The following FAM135B variants were observed in gnomAD, a reference collection of about 807,000 sequenced individuals.
The protein encoded by FAM135B is protein FAM135B.
A neutral mutation model predicts 127.7 loss-of-function variants in FAM135B; 43 were observed. That is an observed-to-expected ratio of 0.34 (90% CI 0.26 to 0.43). The LOEUF is 0.43. Among genes scored for constraint, FAM135B ranks in the 20% least tolerant of loss-of-function variants. The pLI is 1.00. For missense variants in FAM135B, 1,558 were observed against 1,725.6 expected (o/e 0.90, Z 1.72); for synonymous variants, 670 against 665.1 (o/e 1.01, Z -0.11).
intron 1 of FAM135B, among the ~76,000 whole-genome samples, chr8:138,386,176 A>C (rs1832201405): frequency 6.6e-6 from 1 of 151,838 alleles, no homozygotes; most frequent in South Asian, 2.1e-4. Context: ...AGATCACACC[A>C]TTGCACTTCA....
At chr8:138,255,506 G>A (rs1246464116) in intron 5 of FAM135B, among the ~76,000 whole-genome samples, 1 of 152,226 alleles carries the variant, frequency 6.6e-6, no homozygotes, top group Non-Finnish European at 1.5e-5. Context: ...GCCATCAGGA[G>A]AGAAGCTGAG....
rs2131141472 is a variant in FAM135B, at chr8:138,197,669, C to G, written c.670G>C (p.Gly224Arg). 1 of 1,613,172 alleles carries G rather than the reference C, an allele frequency of 6.2e-7. No individual in the cohort carries two copies. The highest frequency in any genetic ancestry group is 1.1e-5 in the South Asian group (1 of 91,044). The change falls in exon 8 of 20, where the codon GGA becomes CGA. Residue 224 changes from glycine (G) to arginine (R), a missense_variant and splice_region_variant. Physicochemically the swap from Gly to Arg is moderately radical, Grantham distance 125. Transcript: ENST00000395297. Reference sequence around the variant, plus strand: ...TTCTCAGAGGTGATGTAGAAGCTTCCCTAAGGGGTGAAACAGAAACAGAGG... The same window carrying G: ...TTCTCAGAGGTGATGTAGAAGCTTCGCTAAGGGGTGAAACAGAAACAGAGG... ...AGYCKPTSSE[G>R]SFYITSENCM...
chr8:138,196,900 C>A (rs140273860), intron 8 of FAM135B, among the ~76,000 whole-genome samples: 1 of 152,336 alleles, frequency 6.6e-6, no homozygotes, highest in African/African-American at 2.4e-5. Context: ...GCTTTTACCT[C>A]TCTGAGCTTC....
rs1409535489 is a variant in FAM135B, at chr8:138,238,321, C to G, written c.669+4621G>C. 2.0e-5 allele frequency among the ~76,000 whole-genome samples: 3 copies of G among 152,146 alleles called. No homozygotes were observed. In the East Asian group the frequency reaches 5.8e-4, roughly 29 times the overall value. On this transcript the variant is annotated intron_variant, in intron 7 of 19. Transcript: ENST00000395297. ...TATTTCATTTAATCCTCTCAGCAAC[C>G]CTGTGAGCCAGGCATTAGTATATCC...
intron 9 of FAM135B, among the ~76,000 whole-genome samples, chr8:138,193,092 G>T (rs151148978): frequency 6.6e-6 from 1 of 152,146 alleles, no homozygotes; most frequent in Non-Finnish European, 1.5e-5. Context: ...ACCACGTGAC[G>T]TATAAGGAGA....
chr8:138,487,313 T>C (rs1044688946), intron 1 of FAM135B, among the ~76,000 whole-genome samples: 1 of 151,642 alleles, frequency 6.6e-6, no homozygotes, highest in African/African-American at 2.4e-5. Context: ...ACGGAGGACT[T>C]AGGAGATCCA....
chr8:138,180,287 A>T (rs1814886557), intron 9 of FAM135B, among the ~76,000 whole-genome samples: 1 of 152,170 alleles, frequency 6.6e-6, no homozygotes, highest in Non-Finnish European at 1.5e-5. Context: ...AGAGATGAAC[A>T]AGAGAGGGTC....
At chr8:138,160,957 C>T (rs1158085206) in intron 12 of FAM135B, among the ~76,000 whole-genome samples, 3 of 152,166 alleles carry the variant, frequency 2.0e-5, no homozygotes, top group African/African-American at 7.2e-5. Flanking sequence ...TCAATTCTGA[C>T]ATTGCCATTT....
intron 1 of FAM135B, among the ~76,000 whole-genome samples, chr8:138,382,019 A>G (rs1283196643): frequency 1.3e-5 from 2 of 152,024 alleles, no homozygotes; most frequent in Non-Finnish European, 1.5e-5. Context: ...CAGACATGCT[A>G]TCTGTTTGTG....
chr8:138,148,391 T>A, intron 14 of FAM135B, 129 bp downstream of exon 14: 1 of 765,266 alleles, frequency 1.3e-6, no homozygotes, highest in Non-Finnish European at 2.1e-6. Flanking sequence ...AGATTCATCA[T>A]AATTACTGTC....
At chr8:138,162,640 A>G (rs907099480) in intron 12 of FAM135B, among the ~76,000 whole-genome samples, 1 of 152,222 alleles carries the variant, frequency 6.6e-6, no homozygotes, top group African/African-American at 2.4e-5. Flanking sequence ...TTAAAAAATG[A>G]AAAAAGAATG....
In FAM135B at chr8:138,243,208, G is replaced by A. The variant is rs1362957860; in HGVS notation, c.543-140C>T. 1.1e-5 allele frequency: 10 copies of A among 948,176 alleles called. No individual in the cohort carries two copies. Among genetic ancestry groups the A allele is most frequent in the South Asian group, 2.0e-5 (1 of 49,000 alleles). The allele number at this position is 948,176 out of a possible 1,614,324, so 58.7% of individuals were successfully genotyped here. On this transcript the variant is annotated intron_variant, in intron 6 of 19. Transcript: ENST00000395297. The surrounding 1 kb of genome is among the most constrained non-coding windows in gnomAD (Gnocchi z 7.5). ...GTAGTTCACCCCCTAGGGAGTGTTT[G>A]CATGTGACATTTGTGGATATTTTGA...
At chr8:138,385,823 A>G (rs951503286) in intron 1 of FAM135B, among the ~76,000 whole-genome samples, 4 of 152,146 alleles carry the variant, frequency 2.6e-5, no homozygotes, top group African/African-American at 9.7e-5. Context: ...AAAAACAATA[A>G]CAAAATAAAG....
chr8:138,350,760 A>C (rs757255017), intron 2 of FAM135B, among the ~76,000 whole-genome samples: 1 of 152,200 alleles, frequency 6.6e-6, no homozygotes, highest in Non-Finnish European at 1.5e-5. Flanking sequence ...TTCCTTATTC[A>C]TACATTAAGG....
chr8:138,293,384 A>C (rs1427488348), intron 3 of FAM135B, among the ~76,000 whole-genome samples: 1 of 152,178 alleles, frequency 6.6e-6, no homozygotes, highest in African/African-American at 2.4e-5. Flanking sequence ...ATGTTACAAA[A>C]ACAAAGATAA....
At chr8:138,370,624 G>A (rs182439018) in intron 1 of FAM135B, among the ~76,000 whole-genome samples, 363 of 152,014 alleles carry the variant, frequency 2.4e-3, no homozygotes, top group Non-Finnish European at 3.6e-3. Context: ...CTAATTTTTC[G>A]TATTTTTAGT....
intron 4 of FAM135B, among the ~76,000 whole-genome samples, chr8:138,264,966 C>A (rs1225544708): frequency 6.6e-6 from 1 of 152,166 alleles, no homozygotes; most frequent in Non-Finnish European, 1.5e-5. Context: ...AACAGGTACA[C>A]TTCAGTGAGG....
At chr8:138,190,789 T>C (rs1816048820) in intron 9 of FAM135B, among the ~76,000 whole-genome samples, 1 of 152,186 alleles carries the variant, frequency 6.6e-6, no homozygotes, top group African/African-American at 2.4e-5. Flanking sequence ...CCAGACTCCC[T>C]TGTATTGATT....
chr8:138,416,249 G>C (rs1587397727), intron 1 of FAM135B, among the ~76,000 whole-genome samples: 2 of 152,184 alleles, frequency 1.3e-5, no homozygotes, highest in African/African-American at 4.8e-5. Flanking sequence ...AGGAGCTTAA[G>C]TCAAACAGAC....
Sources: allele counts gnomAD v4.1 joint callset (sites outside exome capture counted in the v4.1 genomes callset), GRCh38; gene constraint gnomAD v4.1.1; non-coding constraint Gnocchi (gnomAD v3.1); transcripts MANE v1.5; gene names NCBI Gene and HGNC (gene_info 2026-07-23, HGNC 2026-07-21).